The following CSMD3 variants were observed in gnomAD, a reference collection of about 807,000 sequenced individuals.
CSMD3 encodes CUB and sushi domain-containing protein 3.
CSMD3 carries 177 observed loss-of-function variants against 435.2 expected under a neutral mutation model. That is an observed-to-expected ratio of 0.41 (90% CI 0.36 to 0.46). CSMD3 has a LOEUF of 0.46. Among genes scored for constraint, CSMD3 ranks in the 20% least tolerant of loss-of-function variants. The pLI is 0.34. For synonymous variants in CSMD3, 1,656 were observed against 1,520.5 expected (o/e 1.09, Z -2.07); for missense variants, 4,265 against 4,504.6 (o/e 0.95, Z 1.52).
chr8:113,390,740 A>G (rs2094457989), intron 1 of CSMD3, among the ~76,000 whole-genome samples: 1 of 151,930 alleles, frequency 6.6e-6, no homozygotes, highest in African/African-American at 2.4e-5. Context: ...TGACTAAATG[A>G]AGGAATGAAT....
rs79462894 is a variant in CSMD3, at chr8:113,371,557, T to C, written c.179-56764A>G. On this transcript the variant is annotated intron_variant, in intron 1 of 70. Transcript: ENST00000297405. ...TATTCATCTTTTTATTATTTGCTTT[T>C]GCACTGCTCAGATGGCAATTGCCTT... 4.7e-3 allele frequency among the ~76,000 whole-genome samples: 720 copies of C among 152,296 alleles called. 15 individuals carry two copies. In the East Asian group the frequency reaches 0.071, roughly 15 times the overall value.
At position 112,599,859 on chromosome 8, in the gene CSMD3, G is replaced by C. The variant is rs2131410070; in HGVS notation, c.3716-12624C>G. Among the ~76,000 whole-genome samples the C allele has an allele frequency of 3.2e-5, 3 of 93,372 alleles. No homozygotes were observed. In the East Asian group the frequency reaches 9.0e-4, roughly 28 times the overall value. 61.3% of individuals were successfully genotyped at this position (93,372 alleles called of 152,430 possible). On this transcript the variant is annotated intron_variant, in intron 22 of 70. Transcript: ENST00000297405. ...ACAGGAAGGGGAATATCACACTCTGGGGACTGTGGTGGGGTGGGGGGAGGG... is the reference window on the plus strand; with the variant it reads ...ACAGGAAGGGGAATATCACACTCTGCGGACTGTGGTGGGGTGGGGGGAGGG...
intron 1 of CSMD3, among the ~76,000 whole-genome samples, chr8:113,391,848 A>G (rs1333616936): frequency 6.6e-6 from 1 of 151,984 alleles, no homozygotes; most frequent in Non-Finnish European, 1.5e-5. Context: ...GAGGAAGTAA[A>G]AAGGAAGAGA....
At chr8:113,130,340 T>C (rs1041823011) in intron 4 of CSMD3, among the ~76,000 whole-genome samples, 8 of 152,102 alleles carry the variant, frequency 5.3e-5, no homozygotes, top group African/African-American at 1.7e-4. Context: ...TGGGAGGTGA[T>C]TGGATCATGG....
At chr8:112,405,214 C>CATATAT (rs71309768) in intron 35 of CSMD3, among the ~76,000 whole-genome samples, 349 of 19,006 alleles carry the variant, frequency 0.018, 12 homozygotes, top group African/African-American at 0.035. Flanking sequence ...AAAAAACCCC[C>CATATAT]ATATATATAT....
chr8:112,425,204 T>C (rs895269826), intron 32 of CSMD3, among the ~76,000 whole-genome samples: 2 of 152,214 alleles, frequency 1.3e-5, no homozygotes, highest in African/African-American at 4.8e-5. Flanking sequence ...CCAAAATAGA[T>C]AAGACATCCT....
At position 113,247,934 on chromosome 8, in the gene CSMD3, A is replaced by G. The variant is rs565719415; in HGVS notation, c.514+30658T>C. 2.6e-5 allele frequency among the ~76,000 whole-genome samples: 4 copies of G among 152,232 alleles called. No individual in the cohort carries two copies. In the South Asian group the frequency reaches 8.3e-4, roughly 32 times the overall value. On this transcript the variant is annotated intron_variant, in intron 3 of 70. Coordinates refer to ENST00000297405, the MANE Select transcript of CSMD3 (RefSeq NM_198123.2). ...CAAATGACTGGAGTTTTCGTGAGCT[A>G]GGTCATATTATCTTTTGCATGTATT...
At chr8:112,853,365 A>G (rs1206964368) in intron 11 of CSMD3, among the ~76,000 whole-genome samples, 1 of 152,086 alleles carries the variant, frequency 6.6e-6, no homozygotes, top group East Asian at 1.9e-4. Context: ...AGCTGGGATT[A>G]CAGGTGCCTG....
chr8:112,896,068 T>C (rs1364984141), intron 10 of CSMD3, among the ~76,000 whole-genome samples: 1 of 151,504 alleles, frequency 6.6e-6, no homozygotes, highest in Non-Finnish European at 1.5e-5. Context: ...GCTAACTTTA[T>C]CAATTTGTTC....
chr8:112,756,341 T>C (rs773020657), intron 13 of CSMD3, among the ~76,000 whole-genome samples: 19 of 152,182 alleles, frequency 1.2e-4, no homozygotes, highest in Non-Finnish European at 2.5e-4. Context: ...ACAACAATAA[T>C]GACAACTTAA....
intron 13 of CSMD3, among the ~76,000 whole-genome samples, chr8:112,780,466 G>A (rs1483083540): frequency 1.3e-5 from 2 of 151,976 alleles, no homozygotes; most frequent in African/African-American, 4.8e-5. Context: ...TCATCAAATT[G>A]AACATCTATC....
intron 2 of CSMD3, chr8:113,313,763 TA>T (rs2132664700): frequency 6.6e-6 from 1 of 152,280 alleles, no homozygotes; most frequent in Admixed American, 6.5e-5. Context: ...ATTACAAGTT[TA>T]AAAAAGCTTA....
chr8:112,905,520 T>A (rs933159536), intron 10 of CSMD3, among the ~76,000 whole-genome samples: 1 of 151,360 alleles, frequency 6.6e-6, no homozygotes, highest in Non-Finnish European at 1.5e-5. Context: ...GGGACAGTTG[T>A]TCTTTCCAAA....
rs2129727420 is a variant in CSMD3 at position 112,390,799 on chromosome 8, A to G, written c.5810-11T>C. On this transcript the variant is annotated splice_polypyrimidine_tract_variant and intron_variant, in intron 35 of 70. Coordinates refer to ENST00000297405, the MANE Select transcript of CSMD3 (RefSeq NM_198123.2). The stretch of plus-strand genomic sequence containing the variant: ...TTCCACCACAGGGCACTGAAAATAA[A>G]GCAGTCCAAGAGAGGGAGTTAATTC... 6.2e-7 allele frequency: 1 copy of G among 1,613,092 alleles called. No individual in the cohort carries two copies. The highest frequency in any genetic ancestry group is 8.5e-7 in the Non-Finnish European group (1 of 1,179,102).
intron 23 of CSMD3, among the ~76,000 whole-genome samples, chr8:112,575,174 A>T (rs2131308226): frequency 6.6e-6 from 1 of 152,136 alleles, no homozygotes; most frequent in South Asian, 2.1e-4. Flanking sequence ...AGGTTATGCC[A>T]AATTTTTTTC....
At chr8:112,948,650 A>C (rs1564137667) in intron 8 of CSMD3, among the ~76,000 whole-genome samples, 1 of 151,994 alleles carries the variant, frequency 6.6e-6, no homozygotes, top group Non-Finnish European at 1.5e-5. Flanking sequence ...TAATAAATTC[A>C]ATCTTAAAGT....
chr8:112,761,712 T>C (rs1046210449), intron 13 of CSMD3, among the ~76,000 whole-genome samples: 3 of 152,080 alleles, frequency 2.0e-5, no homozygotes, highest in Non-Finnish European at 4.4e-5. Context: ...CAGTGAAACG[T>C]TGTGCATGCA....
At chr8:112,858,660 C>T (rs1455115457) in intron 11 of CSMD3, among the ~76,000 whole-genome samples, 1 of 151,764 alleles carries the variant, frequency 6.6e-6, no homozygotes, top group East Asian at 1.9e-4. Context: ...AAAGGCAATT[C>T]AACTTTTTGA....
chr8:112,687,842 T>A (rs1286744039), intron 14 of CSMD3, among the ~76,000 whole-genome samples: 2 of 152,146 alleles, frequency 1.3e-5, no homozygotes, highest in African/African-American at 4.8e-5. Flanking sequence ...TTCTAGCTTA[T>A]CTTGAAAAGT....
Sources: allele counts gnomAD v4.1 joint callset (sites outside exome capture counted in the v4.1 genomes callset), GRCh38; gene constraint gnomAD v4.1.1; transcripts MANE v1.5; gene names NCBI Gene and HGNC (gene_info 2026-07-23, HGNC 2026-07-21).